Variants in SSBP2 observed in about 807,000 individuals in gnomAD.
SSBP2 encodes the protein single-stranded DNA-binding protein 2.
A neutral mutation model predicts 61.8 loss-of-function variants in SSBP2; 17 were observed. That is an observed-to-expected ratio of 0.28 (90% CI 0.19 to 0.41). The LOEUF is 0.41. Among genes scored for constraint, SSBP2 ranks in the 10% least tolerant of loss-of-function variants. The pLI is 1.00. For missense variants in SSBP2, 310 were observed against 458.7 expected, an observed-to-expected ratio of 0.68 and a Z score of 2.96; for synonymous variants, 139 against 141.3, an observed-to-expected ratio of 0.98 and a Z score of 0.12.
intron 16 of SSBP2, among the ~76,000 whole-genome samples, chr5:81,423,468 G>A (rs10078151): frequency 0.026 from 3,975 of 152,296 alleles, 166 homozygotes; most frequent in African/African-American, 0.09. Flanking sequence ...TCTGGGGCTG[G>A]GTGTGGTGGC....
At chr5:81,446,843 C>T (rs376918214) in intron 12 of SSBP2, 25 bp downstream of exon 12, 4 of 1,595,072 alleles carry the variant, frequency 2.5e-6, no homozygotes, top group African/African-American at 2.7e-5. Flanking sequence ...ATCAAATGCC[C>T]ATGTGGCTAG....
intron 10 of SSBP2, among the ~76,000 whole-genome samples, chr5:81,459,934 T>C (rs934456952): frequency 1.3e-5 from 2 of 152,246 alleles, no homozygotes; most frequent in African/African-American, 4.8e-5. Flanking sequence ...AAGACTCAAA[T>C]GGAAGCAACA....
At chr5:81,667,715 C>G (rs1240749783) in intron 1 of SSBP2, among the ~76,000 whole-genome samples, 1 of 151,992 alleles carries the variant, frequency 6.6e-6, no homozygotes, top group Non-Finnish European at 1.5e-5. Context: ...GAAAGACTTG[C>G]CCAAATTACT....
Position 81,636,567 on chromosome 5 carries a change from A to C in SSBP2, c.187T>G (p.Ser63Ala). The change falls in exon 3 of 17, where the codon TCT becomes GCT. Residue 63 changes from serine (S) to alanine (A), a missense_variant. Coordinates refer to ENST00000320672, the MANE Select transcript of SSBP2 (RefSeq NM_012446.5). ...ATAAAGGATACTTACCACCACCAAG[A>C]ATGTAAGAATCCTGGTGGTTCCCCC... 1.2e-6 allele frequency: 2 copies of C among 1,611,654 alleles called. No individual in the cohort carries two copies. Among genetic ancestry groups the C allele is most frequent in the Non-Finnish European group, 1.7e-6 (2 of 1,178,756 alleles).
intron 4 of SSBP2, among the ~76,000 whole-genome samples, chr5:81,594,380 C>A (rs1319505859): frequency 6.6e-6 from 1 of 152,166 alleles, no homozygotes; most frequent in African/African-American, 2.4e-5. Context: ...TAGACTCCCA[C>A]ACAATAATAA....
At chr5:81,625,437 T>C in intron 3 of SSBP2, among the ~76,000 whole-genome samples, 1 of 137,226 alleles carries the variant, frequency 7.3e-6, no homozygotes, top group East Asian at 2.0e-4. Flanking sequence ...AAAGCAAATA[T>C]TATCCTTGAA....
intron 1 of SSBP2, among the ~76,000 whole-genome samples, chr5:81,725,555 T>C (rs186844858): frequency 4.6e-5 from 7 of 152,076 alleles, no homozygotes; most frequent in African/African-American, 1.7e-4. Flanking sequence ...AGGACATGTA[T>C]GAAAATGAAA....
intron 1 of SSBP2, among the ~76,000 whole-genome samples, chr5:81,650,697 TTAAG>T (rs1433117386): frequency 2.6e-5 from 4 of 152,076 alleles, no homozygotes; most frequent in African/African-American, 2.4e-5. Context: ...AAGAAATGAA[TTAAG>T]TTAGTGAACT....
intron 8 of SSBP2, among the ~76,000 whole-genome samples, 157 bp downstream of exon 8, chr5:81,473,543 T>G (rs1765390140): frequency 6.6e-6 from 1 of 152,202 alleles, no homozygotes; most frequent in African/African-American, 2.4e-5. Flanking sequence ...TCCAGCTTCA[T>G]CCATGTGCCT....
chr5:81,433,878 G>C (rs1045787060), intron 15 of SSBP2, among the ~76,000 whole-genome samples: 16 of 152,354 alleles, frequency 1.1e-4, no homozygotes, highest in African/African-American at 3.6e-4. Context: ...TACTGAAACA[G>C]TGCCATCCAA....
intron 3 of SSBP2, among the ~76,000 whole-genome samples, chr5:81,631,494 C>T (rs1367239416): frequency 6.7e-6 from 1 of 149,236 alleles, no homozygotes; most frequent in South Asian, 2.1e-4. Flanking sequence ...AAAAAAAACA[C>T]CCCACCTAGC....
intron 15 of SSBP2, among the ~76,000 whole-genome samples, chr5:81,432,905 G>GGCCA (rs1383579607): frequency 3.4e-5 from 5 of 148,748 alleles, no homozygotes; most frequent in Admixed American, 3.3e-4. Flanking sequence ...CCCTCTGCCC[G>GGCCA]GCCAGCCACC....
chr5:81,653,114 C>T (rs1358123533), intron 1 of SSBP2, among the ~76,000 whole-genome samples: 1 of 152,098 alleles, frequency 6.6e-6, no homozygotes, highest in Non-Finnish European at 1.5e-5. Flanking sequence ...CACCCACCGA[C>T]AGGCCCCAGT....
At chr5:81,661,419 C>T (rs980479411) in intron 1 of SSBP2, among the ~76,000 whole-genome samples, 3 of 152,020 alleles carry the variant, frequency 2.0e-5, no homozygotes, top group Non-Finnish European at 4.4e-5. Context: ...TTTTGAGAAA[C>T]CTCCGTACTG....
At chr5:81,650,943 T>G (rs1349138774) in intron 1 of SSBP2, among the ~76,000 whole-genome samples, 1 of 152,180 alleles carries the variant, frequency 6.6e-6, no homozygotes, top group Non-Finnish European at 1.5e-5. Flanking sequence ...CAGATCATAT[T>G]AAGCATATGG....
chr5:81,688,541 G>A (rs1752987114), intron 1 of SSBP2, among the ~76,000 whole-genome samples: 5 of 152,292 alleles, frequency 3.3e-5, no homozygotes, highest in South Asian at 4.1e-4. Flanking sequence ...CACCCCTCAC[G>A]CAGCTCCAGG....
At chr5:81,583,351 T>G (rs143544723) in intron 4 of SSBP2, among the ~76,000 whole-genome samples, 1 of 151,706 alleles carries the variant, frequency 6.6e-6, no homozygotes, top group South Asian at 2.1e-4. Context: ...CCATTGAGGC[T>G]GGGCGCAGTG....
intron 4 of SSBP2, among the ~76,000 whole-genome samples, chr5:81,593,663 C>A (rs1420750782): frequency 6.6e-6 from 1 of 152,184 alleles, no homozygotes; most frequent in Non-Finnish European, 1.5e-5. Flanking sequence ...CTCTACAAGC[C>A]AGAAGAGAGT....
chr5:81,590,872 T>G (rs1456243741), intron 4 of SSBP2, among the ~76,000 whole-genome samples: 1 of 152,014 alleles, frequency 6.6e-6, no homozygotes, highest in Non-Finnish European at 1.5e-5. Flanking sequence ...GGGGAAGAAG[T>G]AGGAAAACAT....
Sources: allele counts gnomAD v4.1 joint callset (sites outside exome capture counted in the v4.1 genomes callset), GRCh38; gene constraint gnomAD v4.1.1; transcripts MANE v1.5; gene names NCBI Gene and HGNC (gene_info 2026-07-23, HGNC 2026-07-21).